SAMHD1: variants seen among roughly 807,000 people sequenced by gnomAD.
SAMHD1 encodes the protein deoxynucleoside triphosphate triphosphohydrolase SAMHD1.
SAMHD1 carries 54 observed loss-of-function variants against 79.6 expected under a neutral mutation model. That is an observed-to-expected ratio of 0.68 (90% CI 0.55 to 0.85). SAMHD1 has a LOEUF of 0.85. Ranked by LOEUF, SAMHD1 falls within the 40% of genes least tolerant of loss-of-function variation. The pLI is 0.00. For synonymous variants in SAMHD1, 260 were observed against 264.1 expected (o/e 0.98, Z 0.15); for missense variants, 663 against 782.7 (o/e 0.85, Z 1.82).
intron 9 of SAMHD1, among the ~76,000 whole-genome samples, chr20:36,914,970 C>G (rs987353476): frequency 1.3e-5 from 2 of 151,912 alleles, no homozygotes; most frequent in African/African-American, 4.8e-5. Flanking sequence ...TGAGATCGCA[C>G]CACTACACTC....
intron 8 of SAMHD1, 39 bp from the exon 9 acceptor site, chr20:36,916,869 C>T: frequency 6.3e-7 from 1 of 1,593,888 alleles, no homozygotes. Flanking sequence ...AATTTTTCAA[C>T]AAGGAAGCTG....
In SAMHD1 at chr20:36,951,682, G is replaced by C. The variant is rs368233437; in HGVS notation, c.-39C>G. 1.4e-5 allele frequency: 23 copies of C among 1,610,402 alleles called. No individual in the cohort carries two copies. The highest frequency in any genetic ancestry group is 4.4e-5 in the South Asian group (4 of 90,994). On this transcript the variant is annotated 5_prime_UTR_variant, in exon 1 of 16. Coordinates refer to ENST00000646673, the MANE Select transcript of SAMHD1 (RefSeq NM_015474.4). ...GTCCGGCACAGCAGTCAAGAACCTC[G>C]GCGCCGGACCCGCGCGCAGGCGCAC...
At chr20:36,950,127 T>C (rs939184352) in intron 1 of SAMHD1, among the ~76,000 whole-genome samples, 2 of 152,144 alleles carry the variant, frequency 1.3e-5, no homozygotes, top group Admixed American at 1.3e-4. Flanking sequence ...CATAGTGTCT[T>C]TGATAGCAAT....
At chr20:36,917,187 T>G (rs1011684620) in intron 7 of SAMHD1, 138 bp from the exon 8 acceptor site, 7 of 669,452 alleles carry the variant, frequency 1.0e-5, no homozygotes, top group Non-Finnish European at 1.6e-5. Context: ...GAAGGTTCTA[T>G]TCTTTCTTTC....
chr20:36,937,078 T>G lies in SAMHD1; in HGVS notation c.349-1889A>C, dbSNP rs571989400. Among the ~76,000 whole-genome samples, 11 of 150,944 alleles carry G rather than the reference T, an allele frequency of 7.3e-5. No homozygotes were observed. In the Admixed American group the frequency reaches 7.3e-4, roughly 10 times the overall value. On this transcript the variant is annotated intron_variant, in intron 3 of 15. Coordinates refer to ENST00000646673, the MANE Select transcript of SAMHD1 (RefSeq NM_015474.4). ...ATCGCTTGAACCCAGGAGGCAAAGGTTGCAGTGAGCTGAGATTGTGCCACT... is the reference window on the plus strand; with the variant it reads ...ATCGCTTGAACCCAGGAGGCAAAGGGTGCAGTGAGCTGAGATTGTGCCACT...
chr20:36,915,284 A>C (rs1000125373), intron 9 of SAMHD1, among the ~76,000 whole-genome samples: 15 of 152,164 alleles, frequency 9.9e-5, no homozygotes, highest in Non-Finnish European at 2.1e-4. Flanking sequence ...GCTACAATGC[A>C]CTATGATAGT....
chr20:36,901,037 C>T (rs1321792581), intron 13 of SAMHD1, among the ~76,000 whole-genome samples: 8 of 151,696 alleles, frequency 5.3e-5, no homozygotes. Flanking sequence ...TTAAAAAATA[C>T]ATAAAATAAA....
chr20:36,911,364 A>C (rs1486313957), intron 10 of SAMHD1, 31 bp from the exon 11 acceptor site: 2 of 1,414,592 alleles, frequency 1.4e-6, no homozygotes, highest in Admixed American at 1.7e-5. Flanking sequence ...ATTTATGTTT[A>C]TGAGAAATTT....
Position 36,912,567 on chromosome 20 carries a change from G to C in SAMHD1, c.1063-15C>G. 1 of 1,540,202 alleles carries C rather than the reference G, an allele frequency of 6.5e-7. No individual in the cohort carries two copies. Among genetic ancestry groups the C allele is most frequent in the Non-Finnish European group, 9.0e-7 (1 of 1,113,692 alleles). ...TTTCCAACTTCCTGCAGGAAAACAT[G>C]AAGTAAATATTAATAGGATCAGATT... On this transcript the variant is annotated splice_polypyrimidine_tract_variant and intron_variant, in intron 9 of 15. Coordinates refer to ENST00000646673, the MANE Select transcript of SAMHD1 (RefSeq NM_015474.4).
At chr20:36,912,885 C>CTT (rs1374227156) in intron 9 of SAMHD1, among the ~76,000 whole-genome samples, 39 of 8,128 alleles carry the variant, frequency 4.8e-3, no homozygotes, top group Non-Finnish European at 7.2e-3. Flanking sequence ...AACTTTCATT[C>CTT]TTTGTTTTTT....
chr20:36,933,469 T>C (rs1279047589), intron 4 of SAMHD1, among the ~76,000 whole-genome samples: 1 of 152,128 alleles, frequency 6.6e-6, no homozygotes, highest in Non-Finnish European at 1.5e-5. Context: ...TAATTAGTTG[T>C]ATCAGCAACC....
At chr20:36,932,841 A>T (rs1400244382) in intron 4 of SAMHD1, among the ~76,000 whole-genome samples, 1 of 152,170 alleles carries the variant, frequency 6.6e-6, no homozygotes, top group Non-Finnish European at 1.5e-5. Context: ...CACAATGTGA[A>T]TGCATTTAAC....
At chr20:36,930,708 G>A (rs2063562980) in intron 5 of SAMHD1, 52 bp downstream of exon 5, 3 of 1,198,870 alleles carry the variant, frequency 2.5e-6, no homozygotes, top group African/African-American at 3.0e-5. Context: ...TCAAAGAGAG[G>A]TAACATATGT....
At chr20:36,941,156 T>C in intron 2 of SAMHD1, 45 bp from the exon 3 acceptor site, 1 of 1,271,024 alleles carries the variant, frequency 7.9e-7, no homozygotes, top group South Asian at 1.2e-5. Flanking sequence ...ATTTGCTTAA[T>C]AATAATCCCT....
Position 36,935,205 on chromosome 20 carries a change from T to C in SAMHD1, c.349-16A>G. On this transcript the variant is annotated splice_polypyrimidine_tract_variant and intron_variant, in intron 3 of 15. Transcript: ENST00000646673. ...CATTAATTACCTAGAAAATTATGTT[T>C]AATTAATACAAATAACGACATGTAA... The C allele has an allele frequency of 6.2e-7, 1 of 1,602,522 alleles. No homozygotes were observed. The highest frequency in any genetic ancestry group is 8.6e-7 in the Non-Finnish European group (1 of 1,169,568).
chr20:36,923,681 G>A (rs951446209), intron 6 of SAMHD1, among the ~76,000 whole-genome samples: 3 of 152,076 alleles, frequency 2.0e-5, no homozygotes, highest in East Asian at 1.9e-4. Flanking sequence ...CAGGTGTGAC[G>A]GTGCAGGCCT....
chr20:36,924,397 G>C (rs1490020870), intron 6 of SAMHD1, among the ~76,000 whole-genome samples: 1 of 147,700 alleles, frequency 6.8e-6, no homozygotes, highest in African/African-American at 2.4e-5. Flanking sequence ...AAGAGAAAAA[G>C]AGAGACAGAG....
intron 11 of SAMHD1, among the ~76,000 whole-genome samples, chr20:36,907,221 G>T (rs1386857705): frequency 6.6e-6 from 1 of 151,436 alleles, no homozygotes; most frequent in Non-Finnish European, 1.5e-5. Flanking sequence ...CCCTTGAGCA[G>T]CTGTGACTAC....
chr20:36,927,851 T>G (rs1413450867), intron 5 of SAMHD1, among the ~76,000 whole-genome samples: 1 of 152,114 alleles, frequency 6.6e-6, no homozygotes, highest in African/African-American at 2.4e-5. Context: ...AGTCTTGCTA[T>G]GTTGTTCAGG....
Sources: gnomAD v4.1 joint callset for allele counts (sites outside exome capture counted in the v4.1 genomes callset) on GRCh38, gnomAD v4.1.1 for gene constraint, MANE v1.5 for transcripts, NCBI Gene and HGNC (gene_info 2026-07-23, HGNC 2026-07-21) for gene names.